ABTB3: variants seen among roughly 807,000 people sequenced by gnomAD.
The protein encoded by ABTB3 is ankyrin repeat and BTB domain containing 3.
At chr12:107,371,258 C>T in the ABTB3 span, among the ~76,000 whole-genome samples, 3 of 152,212 alleles carry the variant, frequency 2.0e-5, no homozygotes, top group East Asian at 1.9e-4. Context: ...GCCAGGCTGA[C>T]GGATTGGAGA....
the ABTB3 span, among the ~76,000 whole-genome samples, chr12:107,340,136 G>A: frequency 1.3e-5 from 2 of 152,008 alleles, no homozygotes; most frequent in Non-Finnish European, 2.9e-5. Flanking sequence ...TTCACATTAA[G>A]CATGTTAGCC....
the ABTB3 span, among the ~76,000 whole-genome samples, chr12:107,327,869 G>T: frequency 3.9e-5 from 6 of 152,196 alleles, no homozygotes; most frequent in African/African-American, 1.4e-4. Context: ...CCACCTGATG[G>T]CAGGGGAGAG....
At chr12:107,566,065 T>C in the ABTB3 span, among the ~76,000 whole-genome samples, 1 of 152,210 alleles carries the variant, frequency 6.6e-6, no homozygotes, top group Non-Finnish European at 1.5e-5. Context: ...GTAAATTGCG[T>C]GTATGTTTCC....
chr12:107,563,673 T>C, the ABTB3 span, among the ~76,000 whole-genome samples: 2 of 152,014 alleles, frequency 1.3e-5, no homozygotes, highest in Non-Finnish European at 2.9e-5. Flanking sequence ...TGGAGGGCTC[T>C]TGGAGAACTC....
At chr12:107,543,960 T>C in the ABTB3 span, 3 of 1,613,590 alleles carry the variant, frequency 1.9e-6, no homozygotes, top group Non-Finnish European at 1.7e-6. Context: ...GTGCAATGCA[T>C]CACCTGCAGC....
chr12:107,530,149 G>A, the ABTB3 span, among the ~76,000 whole-genome samples: 5 of 152,158 alleles, frequency 3.3e-5, no homozygotes, highest in Admixed American at 2.6e-4. Context: ...CAAGCTGAAA[G>A]GTGCTCTGAG....
the ABTB3 span, among the ~76,000 whole-genome samples, chr12:107,467,113 C>T: frequency 1.3e-5 from 2 of 152,092 alleles, no homozygotes; most frequent in South Asian, 4.2e-4. Flanking sequence ...GGTGAAACCT[C>T]AATAAACGGG....
chr12:107,532,708 C>G, the ABTB3 span, among the ~76,000 whole-genome samples: 1 of 152,160 alleles, frequency 6.6e-6, no homozygotes, highest in African/African-American at 2.4e-5. Flanking sequence ...AAGGTCCCCT[C>G]TGGGGCACAT....
the ABTB3 span, among the ~76,000 whole-genome samples, chr12:107,619,186 GC>G: frequency 6.6e-6 from 1 of 152,184 alleles, no homozygotes; most frequent in South Asian, 2.1e-4. Flanking sequence ...GAACGTTTGT[GC>G]CATTGCCCTG....
chr12:107,341,642 TGGAA>T, the ABTB3 span, among the ~76,000 whole-genome samples: 1 of 152,176 alleles, frequency 6.6e-6, no homozygotes, highest in Non-Finnish European at 1.5e-5. Flanking sequence ...TGCTACTCAG[TGGAA>T]CCCAGTTTGA....
the ABTB3 span, among the ~76,000 whole-genome samples, chr12:107,477,668 A>G: frequency 4.6e-5 from 7 of 152,212 alleles, no homozygotes; most frequent in African/African-American, 1.7e-4. Flanking sequence ...TTATGCACCA[A>G]CACGCATAAA....
the ABTB3 span, among the ~76,000 whole-genome samples, chr12:107,653,891 A>AT: frequency 2.0e-5 from 3 of 152,066 alleles, no homozygotes; most frequent in Non-Finnish European, 4.4e-5. Context: ...CATCTATAGA[A>AT]TTTTTTCATC....
chr12:107,528,193 A>C, the ABTB3 span, among the ~76,000 whole-genome samples: 2 of 152,198 alleles, frequency 1.3e-5, no homozygotes, highest in South Asian at 4.1e-4. Context: ...GGGGCTCCAC[A>C]GATGATCCTG....
the ABTB3 span, among the ~76,000 whole-genome samples, chr12:107,586,168 C>A: frequency 6.6e-6 from 1 of 152,252 alleles, no homozygotes; most frequent in South Asian, 2.1e-4. Flanking sequence ...CAGGGTCATG[C>A]TCCTGCTTTA....
the ABTB3 span, among the ~76,000 whole-genome samples, chr12:107,539,092 T>G: frequency 6.6e-6 from 1 of 152,192 alleles, no homozygotes; most frequent in Admixed American, 6.5e-5. Flanking sequence ...TCTCTGAAAT[T>G]GATATAATAA....
chr12:107,397,207 A>G, the ABTB3 span, among the ~76,000 whole-genome samples: 1 of 152,208 alleles, frequency 6.6e-6, no homozygotes, highest in East Asian at 1.9e-4. Context: ...TTTTCCAAAC[A>G]GGCCGTTTGC....
At chr12:107,462,701 G>T in the ABTB3 span, among the ~76,000 whole-genome samples, 7 of 150,182 alleles carry the variant, frequency 4.7e-5, no homozygotes, top group African/African-American at 1.8e-4. Context: ...GGTGATGATG[G>T]TGGTGGTGAT....
chr12:107,475,371 G>A, the ABTB3 span, among the ~76,000 whole-genome samples: 1 of 152,206 alleles, frequency 6.6e-6, no homozygotes, highest in Non-Finnish European at 1.5e-5. Context: ...GGCATGAGAT[G>A]CTGCACACAG....
At chr12:107,341,754 T>G in the ABTB3 span, among the ~76,000 whole-genome samples, 21 of 152,176 alleles carry the variant, frequency 1.4e-4, no homozygotes, top group African/African-American at 4.8e-4. Flanking sequence ...GTGTTGGAAG[T>G]GAGCCTGGTG....
Sources: gnomAD v4.1 joint callset for allele counts (sites outside exome capture counted in the v4.1 genomes callset) on GRCh38, gnomAD v4.1.1 for gene constraint, MANE v1.5 for transcripts, NCBI Gene and HGNC (gene_info 2026-07-23, HGNC 2026-07-21) for gene names.